KCNA3: variants seen among roughly 807,000 people sequenced by gnomAD.
KCNA3 encodes the protein RP11-284N8.3.
KCNA3 carries 18 observed loss-of-function variants against 34.3 expected under a neutral mutation model. The observed-to-expected ratio is 0.52, with a 90% CI of 0.36 to 0.78. The LOEUF is 0.78. Among genes scored for constraint, KCNA3 ranks in the 30% least tolerant of loss-of-function variants. The probability of loss-of-function intolerance (pLI) is 0.00; values close to 1 mark genes in which losing one functional copy is unlikely to be tolerated. For synonymous variants in KCNA3, 324 were observed against 351.7 expected, an observed-to-expected ratio of 0.92 and a Z score of 0.88; for missense variants, 587 against 802.5, an observed-to-expected ratio of 0.73 and a Z score of 3.24.
Position 110,673,744 on chromosome 1 carries a change from G to C in KCNA3, c.1066C>G (p.Gln356Glu). The change falls in exon 1 of 1, where the codon CAG becomes GAG. Residue 356 changes from glutamine (Q) to glutamate (E), a missense_variant. Physicochemically the swap from Gln to Glu is conservative, Grantham distance 29. Transcript: ENST00000369769. This position sits in a 1 kb window ranked among gnomAD's most constrained non-coding sequence, Gnocchi z 8.8. Reference protein sequence around the residue: ...ELAERQGNGQQAMSLAILRVI... With the variant: ...ELAERQGNGQEAMSLAILRVI... ...CTCAGGATGGCCAGAGACATGGCCT[G>C]CTGTCCATTGCCCTGTCGTTCGGCC... The C allele has an allele frequency of 6.2e-7, 1 of 1,614,166 alleles. No homozygotes were observed. Among genetic ancestry groups the C allele is most frequent in the Non-Finnish European group, 8.5e-7 (1 of 1,180,032 alleles).
At chr1:110,661,952 C>CAA in the KCNA3 span, among the ~76,000 whole-genome samples, 1 of 143,642 alleles carries the variant, frequency 7.0e-6, no homozygotes, top group African/African-American at 2.5e-5. Context: ...ACTAAAAATA[C>CAA]AAAAAAAAAA....
chr1:110,674,826 G>C lies in KCNA3; in HGVS notation c.-17C>G. 1 of 1,304,694 alleles carries C rather than the reference G, an allele frequency of 7.7e-7. No homozygotes were observed. The allele number at this position is 1,304,694 out of a possible 1,614,324, so 80.8% of individuals were successfully genotyped here. On this transcript the variant is annotated 5_prime_UTR_variant, in exon 1 of 1. Transcript: ENST00000369769. The surrounding 1 kb of genome is among the most constrained non-coding windows in gnomAD (Gnocchi z 6.4). ...CTCGTCCATGCGGCGGGGAAGAGGC[G>C]GCAGCGGTGAGGCCAGGTCGCTCCT...
chr1:110,674,788 G>T lies in KCNA3; in HGVS notation c.22C>A (p.Leu8Met). The T allele has an allele frequency of 7.5e-7, 1 of 1,326,960 alleles. No homozygotes were observed. The highest frequency in any genetic ancestry group is 9.6e-7 in the Non-Finnish European group (1 of 1,045,380). 82.2% of individuals were successfully genotyped at this position (1,326,960 alleles called of 1,614,324 possible). A position where few individuals can be genotyped will look rare whatever the true frequency, so the allele number is the denominator to read the frequency against. Residue 8 changes from leucine (L) to methionine (M), a missense_variant, in exon 1 of 1, where the codon CTG becomes ATG. Leu to Met is a conservative substitution (Grantham distance 15). Coordinates refer to ENST00000369769, the MANE Select transcript of KCNA3 (RefSeq NM_002232.5). The surrounding 1 kb of genome is among the most constrained non-coding windows in gnomAD (Gnocchi z 6.4). ...GCTGAGGGCGGCGGCGGCGAGCGCAGAAGGCTGAGGCGCTCGTCCATGCGG... is the reference window on the plus strand; with the variant it reads ...GCTGAGGGCGGCGGCGGCGAGCGCATAAGGCTGAGGCGCTCGTCCATGCGG... MDERLSLLRSPPPPSARH... is the reference protein window; with the variant it reads MDERLSLMRSPPPPSARH...
At position 110,672,902 on chromosome 1, in the gene KCNA3, G is replaced by C; in HGVS notation, c.*180C>G. On this transcript the variant is annotated 3_prime_UTR_variant, in exon 1 of 1. Coordinates refer to ENST00000369769, the MANE Select transcript of KCNA3 (RefSeq NM_002232.5). ...AGAGCTGAGAGAATGCAGCCCACTTGCAAAACAGGCACCTGTTTCAGTATG... is the reference window on the plus strand; with the variant it reads ...AGAGCTGAGAGAATGCAGCCCACTTCCAAAACAGGCACCTGTTTCAGTATG... 1 of 621,342 alleles carries C rather than the reference G, an allele frequency of 1.6e-6. No homozygotes were observed. The highest frequency in any genetic ancestry group is 2.8e-5 in the East Asian group (1 of 35,836). 38.5% of individuals were successfully genotyped at this position (621,342 alleles called of 1,614,324 possible).
chr1:110,655,414 A>G, the KCNA3 span: 1 of 152,144 alleles, frequency 6.6e-6, no homozygotes, highest in African/African-American at 2.4e-5. Flanking sequence ...ACCAGAAGAG[A>G]TACTACTATG....
At chr1:110,657,338 C>T in the KCNA3 span, among the ~76,000 whole-genome samples, 872 of 152,212 alleles carry the variant, frequency 5.7e-3, 16 homozygotes, top group African/African-American at 0.02. Context: ...TGAGCCACCG[C>T]ACCCGGCCCT....
Position 110,674,318 on chromosome 1 carries a change from C to T in KCNA3, c.492G>A (p.Gln164=). The T allele has an allele frequency of 6.2e-7, 1 of 1,614,172 alleles. No individual in the cohort carries two copies. Among genetic ancestry groups the T allele is most frequent in the Non-Finnish European group, 8.5e-7 (1 of 1,180,018 alleles). ...CCGGCCGGCGGATGCGGCCCCCGGA[C>T]TGATAGTAGTAGAGGATGGCGTCGA... The part of the protein sequence containing the change: ...PSFDAILYYY[Q]SGGRIRRPVN... The change falls in exon 1 of 1, where the codon CAG becomes CAA. Residue 164 remains glutamine (Q), a synonymous_variant. Transcript: ENST00000369769. The surrounding 1 kb of genome is among the most constrained non-coding windows in gnomAD (Gnocchi z 6.4).
the KCNA3 span, among the ~76,000 whole-genome samples, chr1:110,661,952 CAA>C: frequency 1.4e-5 from 2 of 143,568 alleles, no homozygotes; most frequent in African/African-American, 2.5e-5. Flanking sequence ...ACTAAAAATA[CAA>C]AAAAAAAAAT....
At chr1:110,670,847 C>A (rs1570799607), downstream of KCNA3, among the ~76,000 whole-genome samples, 1 of 152,136 alleles carries the variant, frequency 6.6e-6, no homozygotes. Flanking sequence ...ATTTTCCTCT[C>A]TCTTCAATGC....
chr1:110,659,729 T>C, the KCNA3 span, among the ~76,000 whole-genome samples: 1 of 152,178 alleles, frequency 6.6e-6, no homozygotes. Context: ...AGGTGGCATA[T>C]ATACACCATG....
chr1:110,659,484 T>C, the KCNA3 span, among the ~76,000 whole-genome samples: 9 of 152,276 alleles, frequency 5.9e-5, no homozygotes, highest in South Asian at 1.9e-3. Context: ...TGCCCATCAG[T>C]GATATAACTG....
In KCNA3 at chr1:110,673,873, G is replaced by T; in HGVS notation, c.937C>A (p.Arg313=). The T allele has an allele frequency of 1.9e-6, 3 of 1,614,140 alleles. No individual in the cohort carries two copies. The South Asian group carries it at 3.3e-5, about 18-fold the overall frequency. The change falls in exon 1 of 1, where the codon CGG becomes AGG. Residue 313 remains arginine, a synonymous_variant. Transcript: ENST00000369769. This position sits in a 1 kb window ranked among gnomAD's most constrained non-coding sequence, Gnocchi z 8.8. ...GCTTTGCTAGGACAAGCGAAGAACC[G>T]CACCAGCAGTTCGAAGGAGAACCAG... ...IIWFSFELLV[R]FFACPSKATF...
the KCNA3 span, among the ~76,000 whole-genome samples, chr1:110,662,460 G>A: frequency 4.6e-5 from 7 of 152,142 alleles, no homozygotes; most frequent in Admixed American, 2.6e-4. Context: ...TCATTCTATA[G>A]CATGTAGTTA....
rs1570801163 is a variant in KCNA3 at position 110,672,912 on chromosome 1, C to G, written c.*170G>C. On this transcript the variant is annotated 3_prime_UTR_variant, in exon 1 of 1. Transcript: ENST00000369769. ...GAATGCAGCCCACTTGCAAAACAGGCACCTGTTTCAGTATGAAGCAGCAGG... is the reference window on the plus strand; with the variant it reads ...GAATGCAGCCCACTTGCAAAACAGGGACCTGTTTCAGTATGAAGCAGCAGG... 1.5e-6 allele frequency: 1 copy of G among 654,408 alleles called. No individual in the cohort carries two copies. Among genetic ancestry groups the G allele is most frequent in the East Asian group, 2.8e-5 (1 of 36,308 alleles). 40.5% of individuals were successfully genotyped at this position (654,408 alleles called of 1,614,324 possible). A position where few individuals can be genotyped will look rare whatever the true frequency, so the allele number is the denominator to read the frequency against.
chr1:110,666,620 A>G, the KCNA3 span, among the ~76,000 whole-genome samples: 2 of 152,180 alleles, frequency 1.3e-5, no homozygotes, highest in Admixed American at 6.5e-5. Context: ...TTTGGTCTCA[A>G]AAAGATCATT....
the KCNA3 span, chr1:110,653,888 T>C: frequency 6.6e-6 from 1 of 152,230 alleles, no homozygotes; most frequent in Non-Finnish European, 1.5e-5. Flanking sequence ...TTTCATTTCA[T>C]AAAAATAATG....
chr1:110,657,045 C>CTTTTTTTTTTT, the KCNA3 span: 1 of 121,800 alleles, frequency 8.2e-6, no homozygotes, highest in Non-Finnish European at 1.7e-5. Context: ...CTTAAGTTTT[C>CTTTTTTTTTTT]TTTTTTTTTT....
At chr1:110,661,178 A>G in the KCNA3 span, among the ~76,000 whole-genome samples, 4 of 152,200 alleles carry the variant, frequency 2.6e-5, no homozygotes, top group Non-Finnish European at 5.9e-5. Flanking sequence ...GCAGGCGCCC[A>G]AAACCAGTGG....
At position 110,673,964 on chromosome 1, in the gene KCNA3, C is replaced by G; in HGVS notation, c.846G>C (p.Ser282=). ...DSFEAAGNST[S]GSRAGASSFS... ...AGCTGGAGGCTCCTGCGCGGGACCC[C>G]GACGTGCTGTTGCCGGCTGCTTCGA... Residue 282 remains serine (S), a synonymous_variant, in exon 1 of 1, where the codon TCG becomes TCC. Transcript: ENST00000369769. The surrounding 1 kb of genome is among the most constrained non-coding windows in gnomAD (Gnocchi z 8.8). The G allele has an allele frequency of 1.2e-6, 2 of 1,613,912 alleles. No individual in the cohort carries two copies. The highest frequency in any genetic ancestry group is 1.7e-6 in the Non-Finnish European group (2 of 1,179,992).
Sources: allele counts gnomAD v4.1 joint callset (sites outside exome capture counted in the v4.1 genomes callset), GRCh38; gene constraint gnomAD v4.1.1; non-coding constraint Gnocchi (gnomAD v3.1); transcripts MANE v1.5; gene names NCBI Gene and HGNC (gene_info 2026-07-23, HGNC 2026-07-21).